SLC35F4: variants seen among roughly 807,000 people sequenced by gnomAD.
SLC35F4 encodes the protein solute carrier family 35 member F4, also known as chromosome 14 open reading frame 36.
In SLC35F4, 24 loss-of-function variants were observed where a neutral mutation model predicts 44.2. The ratio of observed to expected loss-of-function variants is 0.54; its 90% CI spans 0.39 to 0.76. The LOEUF (loss-of-function observed/expected upper bound fraction) is 0.76. Ranked by LOEUF, SLC35F4 falls within the 30% of genes least tolerant of loss-of-function variation. The pLI, the probability that SLC35F4 is intolerant of heterozygous loss-of-function variation, is 0.00. For synonymous variants in SLC35F4, 238 were observed against 223.6 expected, an observed-to-expected ratio of 1.06 and a Z score of -0.57; for missense variants, 562 against 586.1, an observed-to-expected ratio of 0.96 and a Z score of 0.42.
intron 1 of SLC35F4, among the ~76,000 whole-genome samples, chr14:57,877,151 C>T (rs1888415237): frequency 6.6e-6 from 1 of 152,014 alleles, no homozygotes; most frequent in African/African-American, 2.4e-5. Context: ...CAATCCTTTC[C>T]CTCCTCCCAC....
chr14:57,569,736 G>A (rs1220729741), intron 6 of SLC35F4, 52 bp downstream of exon 6: 1 of 1,470,716 alleles, frequency 6.8e-7, no homozygotes, highest in African/African-American at 1.4e-5. Context: ...AATCTAACTA[G>A]CCAAAGAAAG....
chr14:57,970,545 T>A (rs962687878), intron 1 of SLC35F4, among the ~76,000 whole-genome samples: 2 of 152,228 alleles, frequency 1.3e-5, no homozygotes, highest in Admixed American at 1.3e-4. Context: ...AACTCATTCA[T>A]AACAGAAAAC....
intron 1 of SLC35F4, among the ~76,000 whole-genome samples, chr14:57,937,978 T>C (rs1889845193): frequency 6.6e-6 from 1 of 152,052 alleles, no homozygotes; most frequent in South Asian, 2.1e-4. Context: ...CCTCTAATAC[T>C]CTCCCCTCTG....
intron 1 of SLC35F4, among the ~76,000 whole-genome samples, chr14:57,944,724 AAAGAAAGAAAGAAAGAAAGAAAGAAAG>A (rs1390023554): frequency 7.8e-5 from 11 of 141,214 alleles, no homozygotes; most frequent in African/African-American, 2.8e-4. Context: ...AGAAAGAAAG[AAAGAAAGAAAGAAAGAAAGAAAGAAAG>A]AAGAAAGGAA....
intron 3 of SLC35F4, among the ~76,000 whole-genome samples, chr14:57,587,664 C>G (rs1182092198): frequency 6.6e-6 from 1 of 152,054 alleles, no homozygotes; most frequent in Admixed American, 6.5e-5. Flanking sequence ...GGAGAAATAC[C>G]TAATGTAGAT....
At chr14:57,872,226 T>C (rs139827976) in intron 1 of SLC35F4, among the ~76,000 whole-genome samples, 60 of 152,330 alleles carry the variant, frequency 3.9e-4, no homozygotes, top group African/African-American at 1.4e-3. Context: ...GCAGGAAATA[T>C]ATTCACAAGG....
At chr14:57,745,746 AG>A (rs1286346984) in intron 1 of SLC35F4, among the ~76,000 whole-genome samples, 1 of 152,228 alleles carries the variant, frequency 6.6e-6, no homozygotes, top group Non-Finnish European at 1.5e-5. Flanking sequence ...ATATACCCAA[AG>A]GATTATAAAT....
chr14:57,639,125 T>A (rs987754823), intron 1 of SLC35F4, among the ~76,000 whole-genome samples: 3 of 152,106 alleles, frequency 2.0e-5, no homozygotes, highest in Admixed American at 2.0e-4. Context: ...TTTGACCTAA[T>A]CAGCTAATAT....
intron 1 of SLC35F4, among the ~76,000 whole-genome samples, chr14:57,681,977 C>T (rs145714145): frequency 0.15 from 22,385 of 152,028 alleles, 1,878 homozygotes; most frequent in East Asian, 0.29. Context: ...ATGGCAATCA[C>T]TAAAAAGTTA....
At chr14:57,601,645 TTC>T (rs1375772261) in intron 1 of SLC35F4, among the ~76,000 whole-genome samples, 1 of 152,228 alleles carries the variant, frequency 6.6e-6, no homozygotes, top group East Asian at 1.9e-4. Context: ...ATGGTTATAT[TTC>T]TGTTATAAAC....
At chr14:57,919,471 CT>C (rs1213878290) in intron 1 of SLC35F4, among the ~76,000 whole-genome samples, 1 of 152,184 alleles carries the variant, frequency 6.6e-6, no homozygotes. Flanking sequence ...ATTATCTACT[CT>C]TTGTTTTTCT....
At chr14:57,899,483 A>G (rs983757275) in intron 1 of SLC35F4, among the ~76,000 whole-genome samples, 6 of 151,872 alleles carry the variant, frequency 4.0e-5, no homozygotes, top group African/African-American at 1.2e-4. Flanking sequence ...AGCACACAAC[A>G]TGTGAAACTC....
chr14:57,949,056 T>C (rs920616416), intron 1 of SLC35F4, among the ~76,000 whole-genome samples: 2 of 152,130 alleles, frequency 1.3e-5, no homozygotes, highest in Non-Finnish European at 2.9e-5. Context: ...TTTTCCAGGG[T>C]ATAGTTTATA....
intron 1 of SLC35F4, among the ~76,000 whole-genome samples, chr14:57,812,322 A>T (rs539022224): frequency 1.3e-5 from 2 of 152,226 alleles, no homozygotes; most frequent in Admixed American, 1.3e-4. Context: ...TACTTACATG[A>T]GGCCACTCGG....
chr14:57,753,205 C>T (rs1222021433), intron 1 of SLC35F4, among the ~76,000 whole-genome samples: 1 of 152,172 alleles, frequency 6.6e-6, no homozygotes, highest in Non-Finnish European at 1.5e-5. Context: ...GCAAAGATGG[C>T]ATGTATAATC....
chr14:57,583,702 A>G (rs1293497085), intron 3 of SLC35F4, among the ~76,000 whole-genome samples: 5 of 152,048 alleles, frequency 3.3e-5, no homozygotes, highest in African/African-American at 1.2e-4. Context: ...CCCTTCTCTC[A>G]CTGCCGACCT....
At chr14:57,806,710 T>C (rs777118608) in intron 1 of SLC35F4, among the ~76,000 whole-genome samples, 2 of 152,244 alleles carry the variant, frequency 1.3e-5, no homozygotes, top group Non-Finnish European at 2.9e-5. Flanking sequence ...TGAATGTTTC[T>C]TGGATTTGTT....
intron 1 of SLC35F4, among the ~76,000 whole-genome samples, chr14:57,969,388 C>T (rs577223780): frequency 2.6e-5 from 4 of 152,164 alleles, no homozygotes; most frequent in Non-Finnish European, 5.9e-5. Flanking sequence ...CAATGACAAT[C>T]TCATTGTCTT....
chr14:57,767,488 C>T (rs1195042609), intron 1 of SLC35F4, among the ~76,000 whole-genome samples: 1 of 151,888 alleles, frequency 6.6e-6, no homozygotes, highest in Admixed American at 6.6e-5. Flanking sequence ...TTTTAAAGTA[C>T]TTAGAACTGA....
Sources: gnomAD v4.1 joint callset for allele counts (sites outside exome capture counted in the v4.1 genomes callset) on GRCh38, gnomAD v4.1.1 for gene constraint, MANE v1.5 for transcripts, NCBI Gene and HGNC (gene_info 2026-07-23, HGNC 2026-07-21) for gene names.